Variants in ERBB4 observed in about 807,000 individuals in gnomAD.
ERBB4 encodes the protein receptor tyrosine-protein kinase erbB-4.
ERBB4 carries 42 observed loss-of-function variants against 158.0 expected under a neutral mutation model. That is an observed-to-expected ratio of 0.27 (90% CI 0.21 to 0.34). The LOEUF is 0.34. Ranked by LOEUF, ERBB4 falls within the 10% of genes least tolerant of loss-of-function variation. ERBB4 has a pLI of 1.00. For synonymous variants in ERBB4, 583 were observed against 558.7 expected, an observed-to-expected ratio of 1.04 and a Z score of -0.61; for missense variants, 1,333 against 1,624.1, an observed-to-expected ratio of 0.82 and a Z score of 3.08.
chr2:212,147,502 A>T (rs16847789), intron 1 of ERBB4, among the ~76,000 whole-genome samples: 3 of 152,092 alleles, frequency 2.0e-5, no homozygotes, highest in African/African-American at 7.2e-5. Context: ...TGAGACATCA[A>T]CTGTGGATTT....
At chr2:212,493,300 T>C (rs567108785) in intron 1 of ERBB4, among the ~76,000 whole-genome samples, 1 of 151,524 alleles carries the variant, frequency 6.6e-6, no homozygotes, top group Admixed American at 6.6e-5. Flanking sequence ...AAAATCATCT[T>C]ATATATATTC....
chr2:211,676,252 G>C (rs370772979), intron 13 of ERBB4, among the ~76,000 whole-genome samples: 1 of 152,134 alleles, frequency 6.6e-6, no homozygotes, highest in Non-Finnish European at 1.5e-5. Flanking sequence ...TACAAGATAC[G>C]TAAGTTGATC....
intron 2 of ERBB4, among the ~76,000 whole-genome samples, chr2:211,975,546 T>C (rs2081582046): frequency 6.6e-6 from 1 of 152,144 alleles, no homozygotes; most frequent in African/African-American, 2.4e-5. Flanking sequence ...AGAAGGACAA[T>C]TTATAAGTAA....
At chr2:211,927,479 T>A (rs1279676184) in intron 3 of ERBB4, among the ~76,000 whole-genome samples, 1 of 152,176 alleles carries the variant, frequency 6.6e-6, no homozygotes, top group South Asian at 2.1e-4. Flanking sequence ...ATGAAAAGGA[T>A]GTTTGTTTTC....
chr2:211,993,294 C>A (rs1005456497), intron 2 of ERBB4, among the ~76,000 whole-genome samples: 2 of 152,116 alleles, frequency 1.3e-5, no homozygotes, highest in African/African-American at 2.4e-5. Context: ...ATGCTCACAG[C>A]GGAAAAGCCA....
chr2:212,340,935 T>C (rs866244315), intron 1 of ERBB4, among the ~76,000 whole-genome samples: 10 of 152,312 alleles, frequency 6.6e-5, no homozygotes, highest in South Asian at 2.1e-4. Context: ...ATAATCACAA[T>C]TGATTTAACT....
At chr2:211,906,747 C>T (rs962836611) in intron 3 of ERBB4, among the ~76,000 whole-genome samples, 2 of 151,682 alleles carry the variant, frequency 1.3e-5, no homozygotes, top group South Asian at 2.1e-4. Context: ...TTATTCCCCT[C>T]TTTGTGTCCA....
At chr2:211,997,100 A>G (rs189117461) in intron 2 of ERBB4, among the ~76,000 whole-genome samples, 2 of 151,888 alleles carry the variant, frequency 1.3e-5, no homozygotes, top group Admixed American at 6.6e-5. Flanking sequence ...AGATGAAGAG[A>G]GCATTGGTCA....
intron 12 of ERBB4, among the ~76,000 whole-genome samples, chr2:211,679,739 G>A (rs755905359): frequency 6.6e-6 from 1 of 152,096 alleles, no homozygotes; most frequent in Non-Finnish European, 1.5e-5. Flanking sequence ...AAGTGCAGTG[G>A]CATGATCTTG....
chr2:211,534,284 A>C (rs2066584379), intron 20 of ERBB4, among the ~76,000 whole-genome samples: 1 of 152,110 alleles, frequency 6.6e-6, no homozygotes, highest in Non-Finnish European at 1.5e-5. Context: ...TTTTATTCAA[A>C]GGGATAACAG....
intron 20 of ERBB4, among the ~76,000 whole-genome samples, chr2:211,469,871 A>G (rs940849986): frequency 1.3e-5 from 2 of 152,132 alleles, no homozygotes; most frequent in Admixed American, 6.6e-5. Context: ...AAAGCCTCCC[A>G]GTGGGCAACA....
At chr2:211,621,633 C>A (rs1411589042) in intron 18 of ERBB4, among the ~76,000 whole-genome samples, 2 of 151,966 alleles carry the variant, frequency 1.3e-5, no homozygotes, top group African/African-American at 4.8e-5. Flanking sequence ...TATAGGGTAT[C>A]CAAGGTTTAA....
At chr2:212,312,460 A>G (rs1300526654) in intron 1 of ERBB4, among the ~76,000 whole-genome samples, 1 of 151,136 alleles carries the variant, frequency 6.6e-6, no homozygotes, top group African/African-American at 2.4e-5. Flanking sequence ...TGTCTATTTT[A>G]GCCTCAAATT....
At chr2:211,454,061 G>C (rs1334060118) in intron 20 of ERBB4, among the ~76,000 whole-genome samples, 4 of 152,106 alleles carry the variant, frequency 2.6e-5, no homozygotes. Context: ...TAAATCCCCA[G>C]ATACGTAGCT....
chr2:211,960,888 A>C (rs1262921479), intron 2 of ERBB4: 1 of 152,088 alleles, frequency 6.6e-6, no homozygotes, highest in Non-Finnish European at 1.5e-5. Context: ...TGTTCCAACG[A>C]ATAAGTGAAA....
chr2:211,957,349 A>G (rs2081062690), intron 2 of ERBB4, among the ~76,000 whole-genome samples: 1 of 152,120 alleles, frequency 6.6e-6, no homozygotes, highest in Non-Finnish European at 1.5e-5. Context: ...TTGGTCATCT[A>G]CAAGCCAAGG....
At chr2:212,118,870 G>A (rs1162502258) in intron 2 of ERBB4, among the ~76,000 whole-genome samples, 1 of 151,898 alleles carries the variant, frequency 6.6e-6, no homozygotes, top group Non-Finnish European at 1.5e-5. Context: ...TTATCTGAGA[G>A]AAGTTATCTT....
chr2:211,916,404 T>A (rs2079693213), intron 3 of ERBB4, among the ~76,000 whole-genome samples: 2 of 152,126 alleles, frequency 1.3e-5, no homozygotes, highest in African/African-American at 4.8e-5. Context: ...GGTCTCGAAC[T>A]CCTGACCTCA....
intron 3 of ERBB4, among the ~76,000 whole-genome samples, chr2:211,925,818 A>G (rs1006928889): frequency 6.6e-6 from 1 of 152,144 alleles, no homozygotes; most frequent in Non-Finnish European, 1.5e-5. Flanking sequence ...AGGCATTTCC[A>G]TTTCATACTT....
Sources: allele counts gnomAD v4.1 joint callset (sites outside exome capture counted in the v4.1 genomes callset), GRCh38; gene constraint gnomAD v4.1.1; transcripts MANE v1.5; gene names NCBI Gene and HGNC (gene_info 2026-07-23, HGNC 2026-07-21).